PPA2: variants seen among roughly 807,000 people sequenced by gnomAD.
The protein encoded by PPA2 is inorganic pyrophosphatase 2, also known as inorganic pyrophosphatase 2, mitochondrial.
In PPA2, 48 loss-of-function variants were observed where a neutral mutation model predicts 49.5. The ratio of observed to expected loss-of-function variants is 0.97; its 90% CI spans 0.77 to 1.23. PPA2 has a LOEUF of 1.23. Ranked by LOEUF, PPA2 falls within the 50% of genes most tolerant of loss-of-function variation. PPA2 has a pLI of 0.00. For missense variants in PPA2, 429 were observed against 410.1 expected, an observed-to-expected ratio of 1.05 and a Z score of -0.40; for synonymous variants, 131 against 139.9, an observed-to-expected ratio of 0.94 and a Z score of 0.45.
At chr4:105,437,202 TA>T (rs1260661042) in intron 6 of PPA2, among the ~76,000 whole-genome samples, 19 of 152,264 alleles carry the variant, frequency 1.2e-4, no homozygotes, top group Non-Finnish European at 2.5e-4. Flanking sequence ...TCTACATCAC[TA>T]ATCATCAGAG....
intron 5 of PPA2, among the ~76,000 whole-genome samples, chr4:105,441,192 T>C (rs184771812): frequency 6.6e-6 from 1 of 152,244 alleles, no homozygotes; most frequent in African/African-American, 2.4e-5. Context: ...AATCTTAATA[T>C]TGGTTTCACA....
At chr4:105,412,747 G>T (rs910790902) in intron 7 of PPA2, among the ~76,000 whole-genome samples, 1 of 152,176 alleles carries the variant, frequency 6.6e-6, no homozygotes, top group Non-Finnish European at 1.5e-5. Context: ...CATCATTACT[G>T]GTCATCAGAG....
At chr4:105,449,991 T>C (rs1722597902) in intron 3 of PPA2, among the ~76,000 whole-genome samples, 1 of 152,174 alleles carries the variant, frequency 6.6e-6, no homozygotes, top group African/African-American at 2.4e-5. Flanking sequence ...TTAGCTTGCA[T>C]ATCTGGTGAG....
At chr4:105,449,327 A>G (rs377564060) in intron 4 of PPA2, 23 bp downstream of exon 4, 65 of 1,456,854 alleles carry the variant, frequency 4.5e-5, no homozygotes, top group Middle Eastern at 2.0e-4. Context: ...TTTCGGTTTC[A>G]TATTAATAAA....
At chr4:105,468,251 C>A (rs1214172820) in intron 1 of PPA2, among the ~76,000 whole-genome samples, 1 of 152,112 alleles carries the variant, frequency 6.6e-6, no homozygotes, top group Non-Finnish European at 1.5e-5. Context: ...CCAACACCTG[C>A]CCTAGAGAGG....
chr4:105,373,794 CA>C (rs1201642013), intron 10 of PPA2, among the ~76,000 whole-genome samples: 4 of 151,544 alleles, frequency 2.6e-5, no homozygotes, highest in Admixed American at 1.3e-4. Flanking sequence ...CACACACACA[CA>C]CCCCATCATA....
chr4:105,456,877 C>A (rs1180442229), intron 1 of PPA2, 132 bp from the exon 2 acceptor site: 2 of 609,610 alleles, frequency 3.3e-6, no homozygotes, highest in Non-Finnish European at 2.6e-6. Flanking sequence ...TAACTCCCAA[C>A]TTAAAGTTAA....
In PPA2 at chr4:105,437,988, C is replaced by A; in HGVS notation, c.490G>T (p.Asp164Tyr). The change falls in exon 6 of 12, where the codon GAT (aspartate) becomes TAT (tyrosine). Residue 164 changes from aspartate (D) to tyrosine (Y), a missense_variant. Transcript: ENST00000341695. ...EKDKSTNCFG[D>Y]NDPIDVCEIG... ...TCGCAAACATCAATAGGATCATTAT[C>A]TCCAAAGCAGTTCGTGCTCTTATCT... is the stretch of plus-strand genomic sequence containing the variant. 6.2e-7 allele frequency: 1 copy of A among 1,610,138 alleles called. No homozygotes were observed. Among genetic ancestry groups the A allele is most frequent in the Non-Finnish European group, 8.5e-7 (1 of 1,179,004 alleles).
intron 7 of PPA2, among the ~76,000 whole-genome samples, chr4:105,417,069 C>T (rs1043038520): frequency 3.3e-5 from 5 of 152,168 alleles, no homozygotes; most frequent in Non-Finnish European, 1.5e-5. Flanking sequence ...AACCATACAG[C>T]TGCCTTGTAT....
intron 1 of PPA2, among the ~76,000 whole-genome samples, chr4:105,465,612 T>G (rs187088353): frequency 3.8e-3 from 581 of 152,290 alleles, no homozygotes; most frequent in Non-Finnish European, 6.6e-3. Context: ...GTCTAAAATG[T>G]CTTTACTCTG....
intron 10 of PPA2, among the ~76,000 whole-genome samples, chr4:105,372,041 G>A (rs776840838): frequency 2.0e-5 from 3 of 152,150 alleles, no homozygotes; most frequent in Admixed American, 6.5e-5. Flanking sequence ...CAGAAGTAAC[G>A]GTGGGTACAA....
rs763536004 is a variant in PPA2 at position 105,473,578 on chromosome 4, G to A, written c.157+316C>T. On this transcript the variant is annotated intron_variant, in intron 1 of 11. Transcript: ENST00000341695. ...CGGCTAATGGCTGCAGGCCGCCGCG[G>A]GGTGGCCGCTTGCACTCTGCCTACC... The A allele has an allele frequency of 5.2e-6, 3 of 572,960 alleles. No homozygotes were observed. The African/African-American group carries it at 5.6e-5, about 11-fold the overall frequency. 35.5% of individuals were successfully genotyped at this position (572,960 alleles called of 1,614,324 possible). A position where few individuals can be genotyped will look rare whatever the true frequency, so the allele number is the denominator to read the frequency against.
At chr4:105,423,167 T>C (rs1723328493) in intron 7 of PPA2, 2 of 152,172 alleles carry the variant, frequency 1.3e-5, no homozygotes, top group Admixed American at 1.3e-4. Context: ...AGTTTTCACA[T>C]TTTACTTTTG....
intron 6 of PPA2, among the ~76,000 whole-genome samples, chr4:105,427,944 A>G (rs1193546442): frequency 1.3e-5 from 2 of 152,216 alleles, no homozygotes; most frequent in African/African-American, 4.8e-5. Flanking sequence ...AAGGGCAGCC[A>G]GAGAGAAAGG....
intron 4 of PPA2, 150 bp from the exon 5 acceptor site, chr4:105,446,652 G>T: frequency 1.0e-6 from 1 of 964,866 alleles, no homozygotes; most frequent in Non-Finnish European, 1.5e-6. Context: ...AATTAAGCCA[G>T]CTCTTATTAC....
At chr4:105,388,045 T>G (rs1733753547) in intron 9 of PPA2, among the ~76,000 whole-genome samples, 1 of 129,562 alleles carries the variant, frequency 7.7e-6, no homozygotes, top group African/African-American at 3.3e-5. Context: ...TCTGGAAAAA[T>G]GAAGGTGAGA....
intron 7 of PPA2, among the ~76,000 whole-genome samples, chr4:105,413,072 GAACT>G (rs1722836499): frequency 6.6e-6 from 1 of 152,150 alleles, no homozygotes; most frequent in Non-Finnish European, 1.5e-5. Context: ...CAAAGACTTG[GAACT>G]AACCCAAATG....
intron 7 of PPA2, chr4:105,405,399 T>A: frequency 1.3e-6 from 1 of 786,832 alleles, no homozygotes; most frequent in East Asian, 1.3e-4. Context: ...AACAGACACG[T>A]TTACTTTTAT....
At chr4:105,470,676 AC>A (rs1723487098) in intron 1 of PPA2, among the ~76,000 whole-genome samples, 1 of 152,216 alleles carries the variant, frequency 6.6e-6, no homozygotes, top group African/African-American at 2.4e-5. Context: ...AAAATAAATA[AC>A]ATTTATTAAA....
Sources: gnomAD v4.1 joint callset for allele counts (sites outside exome capture counted in the v4.1 genomes callset) on GRCh38, gnomAD v4.1.1 for gene constraint, MANE v1.5 for transcripts, NCBI Gene and HGNC (gene_info 2026-07-23, HGNC 2026-07-21) for gene names.